The following CCDC92B variants were observed in gnomAD, a reference collection of about 807,000 sequenced individuals.
CCDC92B encodes coiled-coil domain-containing 92B.
In CCDC92B, 2 loss-of-function variants were observed where a neutral mutation model predicts 5.6. That is an observed-to-expected ratio of 0.36 (90% CI 0.15 to 1.12). CCDC92B has a LOEUF of 1.12. Among genes scored for constraint, CCDC92B ranks in the 50% most tolerant of loss-of-function variants. CCDC92B has a pLI of 0.40. For missense variants in CCDC92B, 271 were observed against 262.2 expected (o/e 1.03, Z -0.23); for synonymous variants, 115 against 122.3 (o/e 0.94, Z 0.39).
chr17:2,724,576 G>T lies in CCDC92B; in HGVS notation c.603C>A (p.Leu201=), dbSNP rs922158521. 8.6e-5 allele frequency: 84 copies of T among 981,902 alleles called. No individual in the cohort carries two copies. The African/African-American group carries it at 9.1e-4, about 11-fold the overall frequency. 60.8% of individuals were successfully genotyped at this position (981,902 alleles called of 1,614,324 possible). A position where few individuals can be genotyped will look rare whatever the true frequency, so the allele number is the denominator to read the frequency against. ...WAAWDRGAGA[L]DDADPMPDPA... ...GGTCGGGCATGGGGTCGGCGTCGTC[G>T]AGGGCGCCGGCCCCGCGGTCCCAGG... is the stretch of plus-strand genomic sequence containing the variant. The change falls in exon 4 of 4, where the codon CTC becomes CTA. Residue 201 remains leucine (L), a synonymous_variant. Coordinates refer to ENST00000614400, the MANE Select transcript of CCDC92B (RefSeq NM_001355573.2). This position sits in a 1 kb window ranked among gnomAD's most constrained non-coding sequence, Gnocchi z 5.0.
At chr17:2,741,678 T>C (rs1404740324) in intron 1 of CCDC92B, among the ~76,000 whole-genome samples, 5 of 143,818 alleles carry the variant, frequency 3.5e-5, no homozygotes, top group Admixed American at 1.4e-4. Context: ...CTGCAAGCTC[T>C]GCCTCCCGGG....
chr17:2,726,069 C>G (rs994803557), intron 3 of CCDC92B, among the ~76,000 whole-genome samples: 1 of 146,280 alleles, frequency 6.8e-6, no homozygotes, highest in African/African-American at 2.5e-5. Context: ...AATCTCGGCT[C>G]ACTGCAACCT....
intron 1 of CCDC92B, among the ~76,000 whole-genome samples, chr17:2,745,210 C>T (rs529127595): frequency 2.0e-5 from 3 of 151,926 alleles, no homozygotes; most frequent in African/African-American, 7.3e-5. Flanking sequence ...CCTGAGCCTG[C>T]GTGTGTGCCT....
At position 2,728,511 on chromosome 17, in the gene CCDC92B, C is replaced by G. The variant is rs1472920312; in HGVS notation, c.178+1935G>C. Among the ~76,000 whole-genome samples, 6 of 150,626 alleles carry G rather than the reference C, an allele frequency of 4.0e-5. No individual in the cohort carries two copies. In the Admixed American group the frequency reaches 4.0e-4, roughly 10 times the overall value. ...GTCCCAGCTACACGGGAGACTGAGG[C>G]AGAATGGCGTGAACCCGGGAGGCAG... On this transcript the variant is annotated intron_variant, in intron 3 of 3. Coordinates refer to ENST00000614400, the MANE Select transcript of CCDC92B (RefSeq NM_001355573.2).
chr17:2,741,223 G>T (rs1337057642), intron 1 of CCDC92B, among the ~76,000 whole-genome samples: 1 of 152,028 alleles, frequency 6.6e-6, no homozygotes, highest in Non-Finnish European at 1.5e-5. Context: ...TTTACAGAAC[G>T]CTTACTATGT....
chr17:2,744,823 GAC>G (rs1185605033), intron 1 of CCDC92B, among the ~76,000 whole-genome samples: 1 of 152,142 alleles, frequency 6.6e-6, no homozygotes, highest in Non-Finnish European at 1.5e-5. Flanking sequence ...AACTTTGGGA[GAC>G]AGAGGTGAAC....
intron 2 of CCDC92B, among the ~76,000 whole-genome samples, chr17:2,734,723 C>T (rs1050277595): frequency 6.6e-5 from 10 of 151,592 alleles, no homozygotes; most frequent in African/African-American, 1.5e-4. Context: ...CTCCTGACCT[C>T]GTGATCCGCC....
intron 3 of CCDC92B, among the ~76,000 whole-genome samples, chr17:2,727,789 A>T (rs958521653): frequency 3.2e-4 from 48 of 149,394 alleles, no homozygotes; most frequent in Non-Finnish European, 4.4e-4. Context: ...GCGCCACTGC[A>T]CTCCAGCCTG....
chr17:2,728,525 C>T (rs1597234900), intron 3 of CCDC92B, among the ~76,000 whole-genome samples: 1 of 151,928 alleles, frequency 6.6e-6, no homozygotes, highest in Non-Finnish European at 1.5e-5. Flanking sequence ...ATGGCGTGAA[C>T]CCGGGAGGCA....
At chr17:2,741,059 A>C (rs2070921588) in intron 1 of CCDC92B, among the ~76,000 whole-genome samples, 1 of 150,836 alleles carries the variant, frequency 6.6e-6, no homozygotes, top group South Asian at 2.1e-4. Flanking sequence ...CACTATGTTT[A>C]TGATAATTTG....
In CCDC92B at chr17:2,724,508, G is replaced by GCTGGGCCGCAGCGGCCTGCGGA. The variant is rs1567609617; in HGVS notation, c.670_671insTCCGCAGGCCGCTGCGGCCCAG (p.Ala224ValfsTer139). 7 of 982,706 alleles carry GCTGGGCCGCAGCGGCCTGCGGA rather than the reference G, an allele frequency of 7.1e-6. No homozygotes were observed. Among genetic ancestry groups the GCTGGGCCGCAGCGGCCTGCGGA allele is most frequent in the Non-Finnish European group, 8.4e-6 (7 of 828,994 alleles). 60.9% of individuals were successfully genotyped at this position (982,706 alleles called of 1,614,324 possible). On this transcript the variant is annotated frameshift_variant, in exon 4 of 4. Coordinates refer to ENST00000614400, the MANE Select transcript of CCDC92B (RefSeq NM_001355573.2). LOFTEE classifies it low-confidence loss of function (END_TRUNC). This position sits in a 1 kb window ranked among gnomAD's most constrained non-coding sequence, Gnocchi z 5.0. Reference sequence around the variant, plus strand: ...GGGAGGCGGCTGGCGCGGGCTGCGGGCGCTGGGCCGCAGCGGCCTGCGTGC... The same window carrying GCTGGGCCGCAGCGGCCTGCGGA: ...GGGAGGCGGCTGGCGCGGGCTGCGGGCTGGGCCGCAGCGGCCTGCGGACGCTGGGCCGCAGCGGCCTGCGTGC...
chr17:2,735,381 G>A (rs906660938), intron 1 of CCDC92B, among the ~76,000 whole-genome samples: 1 of 152,192 alleles, frequency 6.6e-6, no homozygotes, highest in Non-Finnish European at 1.5e-5. Context: ...TTAACACATG[G>A]AGAACCAGAG....
Position 2,724,358 on chromosome 17 carries a change from G to A in CCDC92B, c.*53C>T. 1 of 985,144 alleles carries A rather than the reference G, an allele frequency of 1.0e-6. No homozygotes were observed. Among genetic ancestry groups the A allele is most frequent in the Non-Finnish European group, 1.2e-6 (1 of 829,854 alleles). 61.0% of individuals were successfully genotyped at this position (985,144 alleles called of 1,614,324 possible). A position where few individuals can be genotyped will look rare whatever the true frequency, so the allele number is the denominator to read the frequency against. On this transcript the variant is annotated 3_prime_UTR_variant, in exon 4 of 4. Coordinates refer to ENST00000614400, the MANE Select transcript of CCDC92B (RefSeq NM_001355573.2). The surrounding 1 kb of genome is among the most constrained non-coding windows in gnomAD (Gnocchi z 5.0). ...GACCTGCCTGCGGGGACCGAGCTGCGTCCCTGGCCGGCCCTCCCCGTCCGT... is the reference window on the plus strand; with the variant it reads ...GACCTGCCTGCGGGGACCGAGCTGCATCCCTGGCCGGCCCTCCCCGTCCGT...
intron 2 of CCDC92B, among the ~76,000 whole-genome samples, chr17:2,733,686 C>G (rs192811762): frequency 7.2e-6 from 1 of 139,676 alleles, no homozygotes; most frequent in African/African-American, 2.6e-5. Context: ...TAGAATGTGG[C>G]GGCTGACCCT....
intron 3 of CCDC92B, among the ~76,000 whole-genome samples, chr17:2,728,022 G>A (rs896663405): frequency 4.0e-5 from 6 of 151,548 alleles, no homozygotes; most frequent in African/African-American, 1.5e-4. Flanking sequence ...AAAAAAGAAA[G>A]AGTTCTCAAA....
chr17:2,739,195 ATC>A (rs2070895157), intron 1 of CCDC92B, among the ~76,000 whole-genome samples: 1 of 148,046 alleles, frequency 6.8e-6, no homozygotes, highest in African/African-American at 2.5e-5. Flanking sequence ...GTAGAACCCC[ATC>A]TCTACTAAAA....
chr17:2,741,865 C>T (rs1309161108), intron 1 of CCDC92B, among the ~76,000 whole-genome samples: 4 of 150,546 alleles, frequency 2.7e-5, no homozygotes, highest in African/African-American at 4.9e-5. Flanking sequence ...GTACTGGGAT[C>T]ACAGGCGTGA....
At chr17:2,742,820 T>C (rs565199445) in intron 1 of CCDC92B, among the ~76,000 whole-genome samples, 1 of 152,292 alleles carries the variant, frequency 6.6e-6, no homozygotes, top group East Asian at 1.9e-4. Flanking sequence ...GCAAACCAGG[T>C]CTTGACCACT....
chr17:2,728,439 T>C (rs898134046), intron 3 of CCDC92B, among the ~76,000 whole-genome samples: 3 of 151,752 alleles, frequency 2.0e-5, no homozygotes, highest in Admixed American at 1.3e-4. Context: ...AACCCGTCTC[T>C]ACTAAAAATA....
Sources: gnomAD v4.1 joint callset for allele counts (sites outside exome capture counted in the v4.1 genomes callset) on GRCh38, gnomAD v4.1.1 for gene constraint, Gnocchi (gnomAD v3.1) non-coding constraint, MANE v1.5 for transcripts, NCBI Gene and HGNC (gene_info 2026-07-23, HGNC 2026-07-21) for gene names.